Variants in DIP2C observed in about 807,000 individuals in gnomAD.
DIP2C encodes the protein DIP2 acetate--CoA ligase C (putative), also known as disco-interacting protein 2 homolog C.
DIP2C carries 33 observed loss-of-function variants against 192.4 expected under a neutral mutation model. The ratio of observed to expected loss-of-function variants is 0.17; its 90% CI spans 0.13 to 0.23. The LOEUF (loss-of-function observed/expected upper bound fraction) is 0.23. DIP2C is among the 10% of genes least tolerant of loss of function. DIP2C has a pLI of 1.00. For synonymous variants in DIP2C, 979 were observed against 864.1 expected, an observed-to-expected ratio of 1.13 and a Z score of -2.33; for missense variants, 1,537 against 2,110.1, an observed-to-expected ratio of 0.73 and a Z score of 5.32.
intron 1 of DIP2C, among the ~76,000 whole-genome samples, chr10:531,658 A>T (rs909698851): frequency 6.6e-6 from 1 of 152,100 alleles, no homozygotes; most frequent in Non-Finnish European, 1.5e-5. Flanking sequence ...AGGGCCCTCT[A>T]CAGTTGTGTG....
chr10:336,697 CAGG>C (rs1304699342), intron 29 of DIP2C, among the ~76,000 whole-genome samples: 1 of 152,162 alleles, frequency 6.6e-6, no homozygotes, highest in East Asian at 1.9e-4. Context: ...GAGGGTCTTC[CAGG>C]AGAAGGTATT....
chr10:475,822 G>A (rs906923860), intron 2 of DIP2C, among the ~76,000 whole-genome samples: 3 of 152,142 alleles, frequency 2.0e-5, no homozygotes, highest in Non-Finnish European at 4.4e-5. Context: ...AATAGGCGTC[G>A]CTCAACTGGA....
intron 1 of DIP2C, among the ~76,000 whole-genome samples, chr10:593,898 G>A (rs1851548820): frequency 6.6e-6 from 1 of 152,086 alleles, no homozygotes; most frequent in African/African-American, 2.4e-5. Flanking sequence ...AGCAGCAGCT[G>A]GTTAGCTGCC....
chr10:578,711 C>T (rs957574983), intron 1 of DIP2C, among the ~76,000 whole-genome samples: 5 of 152,074 alleles, frequency 3.3e-5, no homozygotes, highest in South Asian at 2.1e-4. Context: ...GATCCACATA[C>T]TATATGTACA....
rs147669357 is a variant in DIP2C, at chr10:486,470, G to A, written c.146C>T (p.Pro49Leu). Residue 49 changes from proline (P) to leucine (L), a missense_variant, in exon 2 of 37, where the codon CCG (proline) becomes CTG (leucine). Physicochemically the swap from Pro to Leu is moderately conservative, Grantham distance 98 (BLOSUM62 -3). Transcript: ENST00000280886. ...KRSKLIGAYL[P>L]QPPRVDQALP... ...TGGGGGTTACCTACTCGGAGGCTGC[G>A]GAAGGTAGGCTCCAATTAACTTTGA... 9.4e-6 allele frequency: 15 copies of A among 1,600,398 alleles called. No individual in the cohort carries two copies. The highest frequency in any genetic ancestry group is 2.7e-5 in the African/African-American group (2 of 74,190).
intron 1 of DIP2C, among the ~76,000 whole-genome samples, chr10:655,858 C>G (rs1372648048): frequency 1.3e-5 from 2 of 151,730 alleles, no homozygotes; most frequent in Admixed American, 1.3e-4. Flanking sequence ...TATAATGTTA[C>G]AGTTTCTTCT....
intron 1 of DIP2C, among the ~76,000 whole-genome samples, chr10:531,931 C>G (rs933572705): frequency 6.6e-6 from 1 of 152,246 alleles, no homozygotes; most frequent in Non-Finnish European, 1.5e-5. Context: ...TAAGTTTTAA[C>G]TAGTTATAAC....
At chr10:587,443 A>G (rs1851132456) in intron 1 of DIP2C, among the ~76,000 whole-genome samples, 1 of 152,220 alleles carries the variant, frequency 6.6e-6, no homozygotes, top group South Asian at 2.1e-4. Flanking sequence ...CCACACTGCC[A>G]TAGGTCACCC....
chr10:347,561 C>A (rs71492989), intron 26 of DIP2C, among the ~76,000 whole-genome samples: 1 of 48,646 alleles, frequency 2.1e-5, no homozygotes, highest in African/African-American at 9.5e-5. Flanking sequence ...ATAGCTCTCC[C>A]GGAAACCCCA....
intron 1 of DIP2C, among the ~76,000 whole-genome samples, chr10:566,992 C>A (rs554210365): frequency 6.6e-6 from 1 of 152,220 alleles, no homozygotes; most frequent in Admixed American, 6.5e-5. Context: ...GATGAACTGA[C>A]CTATTCAGAA....
At chr10:292,812 G>C (rs1343870044) in intron 32 of DIP2C, among the ~76,000 whole-genome samples, 1 of 152,222 alleles carries the variant, frequency 6.6e-6, no homozygotes, top group Non-Finnish European at 1.5e-5. Context: ...CTACAGAAGA[G>C]ACTCTTTCTT....
intron 1 of DIP2C, among the ~76,000 whole-genome samples, chr10:678,249 T>C (rs896311303): frequency 2.5e-4 from 38 of 152,278 alleles, no homozygotes; most frequent in African/African-American, 8.4e-4. Flanking sequence ...TTCTTCCAGA[T>C]ATGCCCAGAC....
intron 26 of DIP2C, among the ~76,000 whole-genome samples, chr10:348,062 C>A (rs1464112008): frequency 6.6e-6 from 1 of 152,152 alleles, no homozygotes; most frequent in Non-Finnish European, 1.5e-5. Flanking sequence ...CGCACCCAGA[C>A]GCGTCGCCAC....
intron 4 of DIP2C, among the ~76,000 whole-genome samples, chr10:439,427 C>A (rs61837200): frequency 0.16 from 24,011 of 151,994 alleles, 4,918 homozygotes; most frequent in African/African-American, 0.48. Flanking sequence ...TGAAAAACAA[C>A]AACAACATAG....
At chr10:616,493 C>T (rs1488997427) in intron 1 of DIP2C, among the ~76,000 whole-genome samples, 8 of 152,318 alleles carry the variant, frequency 5.3e-5, no homozygotes, top group African/African-American at 1.7e-4. Flanking sequence ...GCGGGACTTC[C>T]CAGGGCATCC....
chr10:486,379 C>T (rs766273850), intron 2 of DIP2C, 80 bp downstream of exon 2: 47 of 1,330,760 alleles, frequency 3.5e-5, no homozygotes, highest in Admixed American at 1.5e-4. Flanking sequence ...AGCAAGGGAG[C>T]GTCTGCCTCC....
chr10:352,107 G>A (rs545159851), intron 24 of DIP2C, among the ~76,000 whole-genome samples: 11 of 152,286 alleles, frequency 7.2e-5, no homozygotes, highest in African/African-American at 1.7e-4. Context: ...TGGTTTGTTC[G>A]GCTTGTGGAA....
At chr10:306,957 G>T (rs1042200713) in intron 32 of DIP2C, among the ~76,000 whole-genome samples, 2 of 152,222 alleles carry the variant, frequency 1.3e-5, no homozygotes, top group African/African-American at 4.8e-5. Context: ...CATGCAGGCA[G>T]ATCCGTCATG....
At chr10:643,456 G>C (rs374341634) in intron 1 of DIP2C, among the ~76,000 whole-genome samples, 28 of 152,214 alleles carry the variant, frequency 1.8e-4, no homozygotes, top group African/African-American at 6.5e-4. Context: ...GGAGCCTGCA[G>C]TGAACTGAGA....
Sources: gnomAD v4.1 joint callset for allele counts (sites outside exome capture counted in the v4.1 genomes callset) on GRCh38, gnomAD v4.1.1 for gene constraint, MANE v1.5 for transcripts, NCBI Gene and HGNC (gene_info 2026-07-23, HGNC 2026-07-21) for gene names.